Variants in OSBPL8 observed in about 807,000 individuals in gnomAD.
The protein encoded by OSBPL8 is oxysterol-binding protein-related protein 8.
In OSBPL8, 59 loss-of-function variants were observed where a neutral mutation model predicts 125.5. The ratio of observed to expected loss-of-function variants is 0.47; its 90% CI spans 0.38 to 0.58. OSBPL8 has a LOEUF of 0.58. Ranked by LOEUF, OSBPL8 falls within the 20% of genes least tolerant of loss-of-function variation. The pLI, the probability that OSBPL8 is intolerant of heterozygous loss-of-function variation, is 0.00. For missense variants in OSBPL8, 758 were observed against 1,047.8 expected (o/e 0.72, Z 3.82); for synonymous variants, 330 against 338.9 (o/e 0.97, Z 0.29).
At position 76,386,254 on chromosome 12, in the gene OSBPL8, G is replaced by C; in HGVS notation, c.1447C>G (p.Pro483Ala). The C allele has an allele frequency of 6.3e-7, 1 of 1,584,780 alleles. No homozygotes were observed. Among genetic ancestry groups the C allele is most frequent in the Non-Finnish European group, 8.5e-7 (1 of 1,170,876 alleles). Residue 483 changes from proline to alanine, a missense_variant, in exon 14 of 24, where the codon CCT becomes GCT. By Grantham distance (27) the Pro-to-Ala change is conservative. Transcript: ENST00000261183. ...GTCTCGCCAAGTATAGGATTATAAG[G>C]TTTCTTCAGTCCCTGGTAAAAAAAA... ...FYKKPKGLKK[P>A]YNPILGETFR...
intron 17 of OSBPL8, among the ~76,000 whole-genome samples, chr12:76,374,583 C>G (rs1476235224): frequency 6.6e-6 from 1 of 152,140 alleles, no homozygotes; most frequent in African/African-American, 2.4e-5. Context: ...GTCAGGAAAT[C>G]AAGTCACATG....
chr12:76,517,900 A>C (rs1469200465), intron 1 of OSBPL8, among the ~76,000 whole-genome samples: 1 of 152,188 alleles, frequency 6.6e-6, no homozygotes, highest in Non-Finnish European at 1.5e-5. Context: ...ATTGGCCCCC[A>C]TAATCCCATA....
At chr12:76,403,978 A>G (rs1020595493) in intron 5 of OSBPL8, among the ~76,000 whole-genome samples, 12 of 152,214 alleles carry the variant, frequency 7.9e-5, no homozygotes, top group African/African-American at 2.9e-4. Context: ...TCTCTCCTAA[A>G]AACACTTCTG....
At chr12:76,490,420 A>T (rs1565940400) in intron 1 of OSBPL8, among the ~76,000 whole-genome samples, 1 of 152,184 alleles carries the variant, frequency 6.6e-6, no homozygotes, top group Non-Finnish European at 1.5e-5. Context: ...GCCCGAAGAG[A>T]GGAGAAGCTG....
chr12:76,372,000 C>A (rs907107217), intron 18 of OSBPL8: 1 of 154,384 alleles, frequency 6.5e-6, no homozygotes, highest in African/African-American at 2.4e-5. Context: ...TCTGAAAGAG[C>A]CTTTACTAGC....
At chr12:76,376,854 C>T (rs543841380) in intron 16 of OSBPL8, among the ~76,000 whole-genome samples, 3 of 152,156 alleles carry the variant, frequency 2.0e-5, no homozygotes, top group East Asian at 3.9e-4. Flanking sequence ...TATACACGTG[C>T]CATGGTGGTT....
At chr12:76,425,814 C>T (rs1367391358) in intron 4 of OSBPL8, among the ~76,000 whole-genome samples, 1 of 152,196 alleles carries the variant, frequency 6.6e-6, no homozygotes, top group East Asian at 1.9e-4. Flanking sequence ...GGTCATATTC[C>T]TGCCAGGTAT....
intron 3 of OSBPL8, among the ~76,000 whole-genome samples, chr12:76,459,153 T>TA (rs1185074120): frequency 6.6e-6 from 1 of 152,198 alleles, no homozygotes; most frequent in East Asian, 1.9e-4. Context: ...CTCTCCTCTA[T>TA]AAAATTAATG....
intron 1 of OSBPL8, among the ~76,000 whole-genome samples, chr12:76,523,954 C>T (rs1287867043): frequency 6.6e-6 from 1 of 152,052 alleles, no homozygotes; most frequent in South Asian, 2.1e-4. Context: ...CATAACTTCC[C>T]TTTAAAAGAC....
rs145823392 is a variant in OSBPL8 at position 76,520,339 on chromosome 12, C to T, written c.-67-32721G>A. 6.4e-3 allele frequency among the ~76,000 whole-genome samples: 978 copies of T among 152,278 alleles called. 11 individuals are homozygous for T. The highest frequency in any genetic ancestry group is 0.023 in the African/African-American group (945 of 41,554). On this transcript the variant is annotated intron_variant, in intron 1 of 23. Transcript: ENST00000261183. ...TACTTCCAGTACAGAACTGGTCACA[C>T]TGTATTTCTAAATATTTGTTTATCT... is the stretch of plus-strand genomic sequence containing the variant.
At chr12:76,438,145 C>T (rs11113381) in intron 4 of OSBPL8, among the ~76,000 whole-genome samples, 15,573 of 151,566 alleles carry the variant, frequency 0.1, 1,174 homozygotes, top group East Asian at 0.36. Flanking sequence ...CACCACCACG[C>T]CCAGCTAATT....
chr12:76,438,303 C>CTT (rs1011776823), intron 4 of OSBPL8, among the ~76,000 whole-genome samples: 26 of 130,632 alleles, frequency 2.0e-4, no homozygotes, highest in African/African-American at 4.5e-4. Context: ...TTCTTAATAA[C>CTT]TTTTTTTTTT....
chr12:76,376,779 C>A (rs551151464), intron 16 of OSBPL8, among the ~76,000 whole-genome samples: 4 of 151,990 alleles, frequency 2.6e-5, no homozygotes, highest in Non-Finnish European at 5.9e-5. Context: ...AGATTCAGCC[C>A]TCCGAGATTT....
intron 8 of OSBPL8, among the ~76,000 whole-genome samples, chr12:76,396,696 G>A (rs967484600): frequency 6.6e-6 from 1 of 152,300 alleles, no homozygotes; most frequent in Admixed American, 6.5e-5. Flanking sequence ...TGAGGCTGCA[G>A]TGAGCAATGA....
At chr12:76,467,701 C>G (rs1400416438) in intron 2 of OSBPL8, among the ~76,000 whole-genome samples, 1 of 151,960 alleles carries the variant, frequency 6.6e-6, no homozygotes, top group East Asian at 1.9e-4. Context: ...CTATGTCAGA[C>G]CCACATCACC....
At chr12:76,388,772 C>CT (rs1484495907) in intron 12 of OSBPL8, among the ~76,000 whole-genome samples, 4 of 151,954 alleles carry the variant, frequency 2.6e-5, no homozygotes, top group Admixed American at 2.6e-4. Context: ...TTTTTAAGAG[C>CT]TTTTTTTAGG....
chr12:76,375,409 T>A, intron 16 of OSBPL8, 39 bp from the exon 17 acceptor site: 1 of 1,372,870 alleles, frequency 7.3e-7, no homozygotes, highest in Non-Finnish European at 1.0e-6. Context: ...GAAAAGAGTA[T>A]AGTATAGTAT....
chr12:76,411,047 C>A (rs189484467), intron 4 of OSBPL8, among the ~76,000 whole-genome samples: 1 of 152,232 alleles, frequency 6.6e-6, no homozygotes, highest in East Asian at 1.9e-4. Flanking sequence ...TCTGGATTGA[C>A]TTTTTAAAAA....
chr12:76,538,752 A>C (rs1950563168), intron 1 of OSBPL8, among the ~76,000 whole-genome samples: 1 of 152,076 alleles, frequency 6.6e-6, no homozygotes, highest in African/African-American at 2.4e-5. Context: ...GTTTGAGACC[A>C]GCCTGGCCAA....
Sources: allele counts gnomAD v4.1 joint callset (sites outside exome capture counted in the v4.1 genomes callset), GRCh38; gene constraint gnomAD v4.1.1; transcripts MANE v1.5; gene names NCBI Gene and HGNC (gene_info 2026-07-23, HGNC 2026-07-21).